Variants in CNTN5 observed in about 807,000 individuals in gnomAD.
CNTN5 encodes contactin-5.
CNTN5 carries 77 observed loss-of-function variants against 129.1 expected under a neutral mutation model. The ratio of observed to expected loss-of-function variants is 0.60; its 90% CI spans 0.50 to 0.72. The LOEUF (loss-of-function observed/expected upper bound fraction) is 0.72. Ranked by LOEUF, CNTN5 falls within the 30% of genes least tolerant of loss-of-function variation. CNTN5 has a pLI of 0.00. For synonymous variants in CNTN5, 509 were observed against 465.6 expected (o/e 1.09, Z -1.20); for missense variants, 1,478 against 1,328.8 (o/e 1.11, Z -1.75).
intron 6 of CNTN5, among the ~76,000 whole-genome samples, chr11:99,912,980 G>A (rs191012290): frequency 7.2e-5 from 11 of 151,890 alleles, no homozygotes; most frequent in East Asian, 3.9e-4. Flanking sequence ...TAGAACACAC[G>A]AACATGTATT....
Position 99,971,415 on chromosome 11 carries a change from C to T in CNTN5, c.877+14406C>T, listed in dbSNP as rs148039145. ...AAAATTAGCTGGGCGTGGTGGTGCG[C>T]GCCTGTAGTCACAACTACTGGGGAG... is the stretch of plus-strand genomic sequence containing the variant. On this transcript the variant is annotated intron_variant, in intron 8 of 24. Coordinates refer to ENST00000524871, the MANE Select transcript of CNTN5 (RefSeq NM_014361.4). Among the ~76,000 whole-genome samples, 1,260 of 151,880 alleles carry T rather than the reference C, an allele frequency of 8.3e-3. 20 individuals carry two copies. Among genetic ancestry groups the T allele is most frequent in the Middle Eastern group, 0.02 (6 of 294 alleles).
chr11:99,246,029 T>C (rs1005244806), intron 1 of CNTN5, among the ~76,000 whole-genome samples: 2 of 152,186 alleles, frequency 1.3e-5, no homozygotes, highest in Non-Finnish European at 2.9e-5. Context: ...CATGAACTTA[T>C]GACATCTTAT....
intron 3 of CNTN5, among the ~76,000 whole-genome samples, chr11:99,770,258 AC>A (rs1944899296): frequency 6.6e-6 from 1 of 152,110 alleles, no homozygotes; most frequent in Non-Finnish European, 1.5e-5. Context: ...AAATATAAAA[AC>A]ATTTACATGG....
intron 8 of CNTN5, among the ~76,000 whole-genome samples, chr11:99,959,375 C>T (rs777760274): frequency 6.6e-6 from 1 of 152,140 alleles, no homozygotes; most frequent in African/African-American, 2.4e-5. Context: ...TGTACCTTAT[C>T]AAATCATCTT....
chr11:99,583,440 AG>A (rs759169099), intron 3 of CNTN5, among the ~76,000 whole-genome samples: 1 of 152,216 alleles, frequency 6.6e-6, no homozygotes, highest in Non-Finnish European at 1.5e-5. Flanking sequence ...CTACAAAGGC[AG>A]GCAGGCCTCC....
intron 4 of CNTN5, among the ~76,000 whole-genome samples, chr11:99,838,124 A>G (rs1375532387): frequency 6.6e-6 from 1 of 152,142 alleles, no homozygotes; most frequent in Non-Finnish European, 1.5e-5. Flanking sequence ...GTCCTCATCT[A>G]GGATACAAAT....
intron 9 of CNTN5, among the ~76,000 whole-genome samples, chr11:100,040,193 G>A (rs1237608312): frequency 6.6e-6 from 1 of 152,160 alleles, no homozygotes; most frequent in Non-Finnish European, 1.5e-5. Context: ...TAACAGACAG[G>A]ACCTTCAGCT....
chr11:99,053,363 C>T (rs1864502509), intron 1 of CNTN5, among the ~76,000 whole-genome samples: 1 of 151,906 alleles, frequency 6.6e-6, no homozygotes, highest in Non-Finnish European at 1.5e-5. Flanking sequence ...AATGTACATT[C>T]TTTTTCTAAA....
intron 8 of CNTN5, among the ~76,000 whole-genome samples, chr11:99,961,046 A>C (rs1293752977): frequency 4.6e-5 from 7 of 151,592 alleles, no homozygotes; most frequent in Admixed American, 4.6e-4. Context: ...CTACTGAAAA[A>C]CTGCAAAAAT....
At position 99,703,138 on chromosome 11, in the gene CNTN5, G is replaced by A. The variant is rs540761877; in HGVS notation, c.56-116406G>A. Among the ~76,000 whole-genome samples the A allele has an allele frequency of 4.2e-3, 635 of 150,088 alleles. 6 individuals carry two copies. The highest frequency in any genetic ancestry group is 0.013 in the African/African-American group (551 of 41,208). On this transcript the variant is annotated intron_variant, in intron 3 of 24. Coordinates refer to ENST00000524871, the MANE Select transcript of CNTN5 (RefSeq NM_014361.4). ...AAATCCTTTAAAAATGTTAATGATT[G>A]CGTATTTATAATCTTTGAGTTTTGA... is the stretch of plus-strand genomic sequence containing the variant.
At chr11:99,380,324 CT>C (rs747874817) in intron 2 of CNTN5, among the ~76,000 whole-genome samples, 3 of 152,132 alleles carry the variant, frequency 2.0e-5, no homozygotes, top group Non-Finnish European at 2.9e-5. Flanking sequence ...TTTTATTTAA[CT>C]GCCTGATTTG....
chr11:99,900,089 G>A (rs181431775), intron 6 of CNTN5, among the ~76,000 whole-genome samples: 1 of 151,560 alleles, frequency 6.6e-6, no homozygotes, highest in Non-Finnish European at 1.5e-5. Flanking sequence ...CTACTTATTT[G>A]AGTCTTCTCT....
chr11:99,382,845 C>CATTTTTTTTTTTTTT (rs1417732458), intron 2 of CNTN5, among the ~76,000 whole-genome samples: 2 of 77,032 alleles, frequency 2.6e-5, no homozygotes, highest in Admixed American at 2.2e-4. Flanking sequence ...CTCTAAATAA[C>CATTTTTTTTTTTTTT]TTTTTTTTTT....
intron 2 of CNTN5, among the ~76,000 whole-genome samples, chr11:99,339,546 G>A (rs1014900152): frequency 2.0e-5 from 3 of 152,042 alleles, no homozygotes; most frequent in Non-Finnish European, 2.9e-5. Context: ...TTGGGAGGCC[G>A]AGACGGGTGG....
At chr11:99,963,469 G>T (rs1000496882) in intron 8 of CNTN5, among the ~76,000 whole-genome samples, 1 of 151,980 alleles carries the variant, frequency 6.6e-6, no homozygotes, top group Admixed American at 6.6e-5. Flanking sequence ...GATGATTATA[G>T]ATATGCAGCA....
chr11:99,642,702 C>G (rs1951814372), intron 3 of CNTN5, among the ~76,000 whole-genome samples: 1 of 152,142 alleles, frequency 6.6e-6, no homozygotes, highest in African/African-American at 2.4e-5. Flanking sequence ...CTTATTCCTC[C>G]TGTCTAACTA....
At chr11:99,760,830 TACAC>T (rs752422287) in intron 3 of CNTN5, among the ~76,000 whole-genome samples, 35 of 152,074 alleles carry the variant, frequency 2.3e-4, no homozygotes, top group Admixed American at 6.6e-4. Context: ...TACTATTTAT[TACAC>T]ACACACACAG....
At chr11:99,034,571 T>G (rs940378704) in intron 1 of CNTN5, among the ~76,000 whole-genome samples, 2 of 151,772 alleles carry the variant, frequency 1.3e-5, no homozygotes, top group African/African-American at 4.8e-5. Flanking sequence ...GTGTTTGTAG[T>G]ATTCTCTGAT....
intron 3 of CNTN5, among the ~76,000 whole-genome samples, chr11:99,560,129 C>A (rs1388402452): frequency 1.3e-5 from 2 of 151,904 alleles, no homozygotes; most frequent in East Asian, 3.9e-4. Flanking sequence ...ATCATGGATG[C>A]AAGATATTAC....
Sources: gnomAD v4.1 joint callset for allele counts (sites outside exome capture counted in the v4.1 genomes callset) on GRCh38, gnomAD v4.1.1 for gene constraint, MANE v1.5 for transcripts, NCBI Gene and HGNC (gene_info 2026-07-23, HGNC 2026-07-21) for gene names.